The following ZNRF3 variants were observed in gnomAD, a reference collection of about 807,000 sequenced individuals.
The protein encoded by ZNRF3 is zinc and ring finger 3, also known as E3 ubiquitin-protein ligase ZNRF3.
ZNRF3 carries 23 observed loss-of-function variants against 72.5 expected under a neutral mutation model. The ratio of observed to expected loss-of-function variants is 0.32; its 90% CI spans 0.23 to 0.45. The LOEUF is 0.45. Among genes scored for constraint, ZNRF3 ranks in the 20% least tolerant of loss-of-function variants. ZNRF3 has a pLI of 1.00. For synonymous variants in ZNRF3, 610 were observed against 545.3 expected (o/e 1.12, Z -1.65); for missense variants, 1,169 against 1,272.1 (o/e 0.92, Z 1.23).
At chr22:29,031,785 C>G (rs889797115) in intron 2 of ZNRF3, among the ~76,000 whole-genome samples, 5 of 152,192 alleles carry the variant, frequency 3.3e-5, no homozygotes, top group African/African-American at 1.2e-4. Context: ...TGCTCTCCAT[C>G]GTGTTAACCG....
In ZNRF3 at chr22:29,050,089, G is replaced by T. The variant is rs202195284; in HGVS notation, c.1908G>T (p.Val636=). ...GSPPPEELPA[V]HSHGAGRGEP... ...CGCCTCCCGAGGAGCTCCCGGCGGT[G>T]CACAGTCATGGTGCTGGGCGGGGCG... The change falls in exon 8 of 9, where the codon GTG becomes GTT. Residue 636 remains valine, a synonymous_variant. Transcript: ENST00000544604. 6.2e-7 allele frequency: 1 copy of T among 1,608,034 alleles called. No homozygotes were observed. Among genetic ancestry groups the T allele is most frequent in the African/African-American group, 1.3e-5 (1 of 74,898 alleles).
intron 1 of ZNRF3, among the ~76,000 whole-genome samples, chr22:28,955,656 C>T (rs2035245332): frequency 6.6e-6 from 1 of 151,708 alleles, no homozygotes; most frequent in Non-Finnish European, 1.5e-5. Context: ...CTACTAAAGA[C>T]GTTGGAAAAC....
At chr22:28,968,730 CAGACTGCCCT>C (rs1694326615) in intron 1 of ZNRF3, among the ~76,000 whole-genome samples, 1 of 152,190 alleles carries the variant, frequency 6.6e-6, no homozygotes, top group African/African-American at 2.4e-5. Flanking sequence ...AAGTCATTGT[CAGACTGCCCT>C]ATTTTCATTT....
intron 2 of ZNRF3, among the ~76,000 whole-genome samples, chr22:29,016,388 C>T (rs149856846): frequency 1.6e-4 from 24 of 151,786 alleles, no homozygotes; most frequent in African/African-American, 5.6e-4. Context: ...GGTGGGAGCT[C>T]TGGCAAATAA....
intron 1 of ZNRF3, among the ~76,000 whole-genome samples, chr22:28,973,607 G>A (rs940654781): frequency 6.6e-6 from 1 of 152,136 alleles, no homozygotes; most frequent in Admixed American, 6.6e-5. Flanking sequence ...GCATCATCAG[G>A]GAGTGGAGAA....
chr22:28,992,490 C>A (rs1003079236), intron 2 of ZNRF3, among the ~76,000 whole-genome samples: 1 of 152,048 alleles, frequency 6.6e-6, no homozygotes, highest in African/African-American at 2.4e-5. Context: ...CGCAGCCCCC[C>A]AGTCTCCCTG....
intron 1 of ZNRF3, among the ~76,000 whole-genome samples, chr22:28,973,192 C>T (rs1012727727): frequency 6.6e-6 from 1 of 152,138 alleles, no homozygotes; most frequent in African/African-American, 2.4e-5. Flanking sequence ...GTTACTTAGG[C>T]TGGTCTCAAA....
At chr22:28,910,038 CTT>C (rs200106075) in intron 1 of ZNRF3, among the ~76,000 whole-genome samples, 6 of 145,462 alleles carry the variant, frequency 4.1e-5, no homozygotes, top group Admixed American at 6.9e-5. Context: ...TCTCCATTAA[CTT>C]TTTTTTTTTT....
intron 1 of ZNRF3, among the ~76,000 whole-genome samples, chr22:28,967,591 G>A (rs2035492918): frequency 6.6e-6 from 1 of 152,116 alleles, no homozygotes; most frequent in Non-Finnish European, 1.5e-5. Flanking sequence ...GTATTGGGCT[G>A]TTTCACTGCG....
chr22:29,052,484 A>C (rs2037223843), intron 8 of ZNRF3, among the ~76,000 whole-genome samples: 1 of 152,084 alleles, frequency 6.6e-6, no homozygotes, highest in South Asian at 2.1e-4. Context: ...CACCAGGTAA[A>C]GAGACCGAGG....
intron 2 of ZNRF3, among the ~76,000 whole-genome samples, chr22:28,998,424 T>C (rs541982093): frequency 6.6e-6 from 1 of 152,316 alleles, no homozygotes; most frequent in South Asian, 2.1e-4. Flanking sequence ...ATGGGTTTCT[T>C]GTTGAGGAGG....
chr22:28,939,749 C>G (rs978266384), intron 1 of ZNRF3, among the ~76,000 whole-genome samples: 1 of 152,100 alleles, frequency 6.6e-6, no homozygotes, highest in Admixed American at 6.5e-5. Context: ...AGTTGTAGAA[C>G]CAGATGCTGT....
At chr22:28,989,596 G>A (rs1261317666) in intron 2 of ZNRF3, among the ~76,000 whole-genome samples, 6 of 152,190 alleles carry the variant, frequency 3.9e-5, no homozygotes, top group African/African-American at 1.4e-4. Context: ...AGTGGACAGA[G>A]GCAGAAAAGG....
intron 2 of ZNRF3, among the ~76,000 whole-genome samples, chr22:28,993,880 AAT>A (rs1034112995): frequency 4.6e-5 from 7 of 152,224 alleles, no homozygotes; most frequent in Non-Finnish European, 5.9e-5. Context: ...ACAGAGTCTC[AAT>A]ATATTACCCA....
intron 1 of ZNRF3, among the ~76,000 whole-genome samples, chr22:28,909,789 T>C (rs1442915447): frequency 6.7e-6 from 1 of 148,428 alleles, no homozygotes; most frequent in Admixed American, 6.8e-5. Flanking sequence ...GAAAGGGTTC[T>C]ACCATGTTGC....
intron 1 of ZNRF3, chr22:28,986,610 A>T (rs1023980880): frequency 1.0e-6 from 1 of 985,446 alleles, no homozygotes; most frequent in South Asian, 4.7e-5. Flanking sequence ...CTCTGCATAG[A>T]GTCCGGGATG....
chr22:29,036,909 T>C (rs903003490), intron 2 of ZNRF3, among the ~76,000 whole-genome samples: 4 of 152,204 alleles, frequency 2.6e-5, no homozygotes, highest in African/African-American at 9.7e-5. Flanking sequence ...CAAAATTGTA[T>C]TCAGTAGAGG....
intron 1 of ZNRF3, among the ~76,000 whole-genome samples, chr22:28,977,277 G>C (rs1469212109): frequency 1.3e-5 from 2 of 152,086 alleles, no homozygotes; most frequent in Non-Finnish European, 2.9e-5. Context: ...TGGTGTCTGG[G>C]GTAGTTTCTG....
chr22:28,948,823 G>A (rs776165067), intron 1 of ZNRF3, among the ~76,000 whole-genome samples: 11 of 152,090 alleles, frequency 7.2e-5, no homozygotes, highest in Non-Finnish European at 1.6e-4. Context: ...AAATCTATTG[G>A]TCTCTGTTGC....
Sources: gnomAD v4.1 joint callset for allele counts (sites outside exome capture counted in the v4.1 genomes callset) on GRCh38, gnomAD v4.1.1 for gene constraint, MANE v1.5 for transcripts, NCBI Gene and HGNC (gene_info 2026-07-23, HGNC 2026-07-21) for gene names.